Variants in SPTLC3 observed in about 807,000 individuals in gnomAD.
SPTLC3 encodes serine palmitoyltransferase 3.
In SPTLC3, 36 loss-of-function variants were observed where a neutral mutation model predicts 59.3. That is an observed-to-expected ratio of 0.61 (90% CI 0.47 to 0.80). The LOEUF (loss-of-function observed/expected upper bound fraction) is 0.80. SPTLC3 is among the 30% of genes least tolerant of loss of function. The pLI is 0.00. For synonymous variants in SPTLC3, 257 were observed against 240.8 expected, an observed-to-expected ratio of 1.07 and a Z score of -0.62; for missense variants, 625 against 685.1, an observed-to-expected ratio of 0.91 and a Z score of 0.98.
chr20:13,017,423 T>G (rs530441622), intron 1 of SPTLC3, among the ~76,000 whole-genome samples: 7 of 152,258 alleles, frequency 4.6e-5, no homozygotes, highest in African/African-American at 1.7e-4. Context: ...TTTCAGGAGC[T>G]TTTTTCAAGA....
At chr20:13,143,957 C>T (rs372033124) in intron 9 of SPTLC3, among the ~76,000 whole-genome samples, 1 of 152,202 alleles carries the variant, frequency 6.6e-6, no homozygotes, top group Non-Finnish European at 1.5e-5. Flanking sequence ...TCATCCTGAT[C>T]CATGCACTAT....
At chr20:13,153,460 A>T (rs970605013) in intron 9 of SPTLC3, among the ~76,000 whole-genome samples, 1 of 152,184 alleles carries the variant, frequency 6.6e-6, no homozygotes, top group African/African-American at 2.4e-5. Flanking sequence ...GCCTCAAAAA[A>T]CAGCCCTAAT....
intron 4 of SPTLC3, among the ~76,000 whole-genome samples, chr20:13,090,684 A>T (rs1039279722): frequency 1.2e-4 from 19 of 152,242 alleles, no homozygotes; most frequent in Non-Finnish European, 2.2e-4. Flanking sequence ...TGCTCCTAAC[A>T]AAAGTAACTA....
intron 2 of SPTLC3, among the ~76,000 whole-genome samples, chr20:13,062,984 C>T (rs1988031990): frequency 6.6e-6 from 1 of 152,348 alleles, no homozygotes; most frequent in African/African-American, 2.4e-5. Context: ...ATTTTAACTT[C>T]TGAGACATAC....
chr20:13,116,935 G>A (rs1274616530), intron 7 of SPTLC3, among the ~76,000 whole-genome samples: 2 of 152,196 alleles, frequency 1.3e-5, no homozygotes, highest in Admixed American at 1.3e-4. Context: ...GGAACAGAAA[G>A]AGGAGACACC....
intron 2 of SPTLC3, among the ~76,000 whole-genome samples, chr20:13,066,027 A>G (rs1988193735): frequency 6.6e-6 from 1 of 152,248 alleles, no homozygotes; most frequent in African/African-American, 2.4e-5. Context: ...TGCGTACAAC[A>G]TAATTGAAAC....
chr20:13,156,440 T>G (rs1483328519), intron 10 of SPTLC3, among the ~76,000 whole-genome samples: 1 of 152,210 alleles, frequency 6.6e-6, no homozygotes, highest in African/African-American at 2.4e-5. Flanking sequence ...TATGGTGTGA[T>G]GAAAGGTTTG....
At chr20:13,040,169 TG>T (rs1422310061) in intron 1 of SPTLC3, among the ~76,000 whole-genome samples, 1 of 152,104 alleles carries the variant, frequency 6.6e-6, no homozygotes, top group Non-Finnish European at 1.5e-5. Flanking sequence ...CATTAGTTGC[TG>T]TGGACTCTAA....
intron 8 of SPTLC3, among the ~76,000 whole-genome samples, chr20:13,118,135 G>A (rs1990670948): frequency 6.6e-6 from 1 of 152,100 alleles, no homozygotes; most frequent in Admixed American, 6.5e-5. Flanking sequence ...GGGATGTTCT[G>A]AAAACTATAA....
At chr20:13,051,925 C>T (rs1987509440) in intron 2 of SPTLC3, among the ~76,000 whole-genome samples, 1 of 152,032 alleles carries the variant, frequency 6.6e-6, no homozygotes, top group South Asian at 2.1e-4. Flanking sequence ...AAACCTAAGG[C>T]AGTGCTAAGA....
intron 8 of SPTLC3, among the ~76,000 whole-genome samples, chr20:13,126,219 C>A (rs371341827): frequency 3.3e-5 from 5 of 152,268 alleles, no homozygotes; most frequent in East Asian, 1.9e-4. Context: ...ATGTAATATT[C>A]TCAAGGGCAA....
chr20:13,106,542 G>T (rs1989910121), intron 6 of SPTLC3, among the ~76,000 whole-genome samples: 1 of 152,154 alleles, frequency 6.6e-6, no homozygotes, highest in African/African-American at 2.4e-5. Flanking sequence ...GAATCAGGAG[G>T]CTGTGTGTTG....
intron 1 of SPTLC3, among the ~76,000 whole-genome samples, chr20:13,048,539 G>T (rs1431436): frequency 0.87 from 132,655 of 152,200 alleles, 57,871 homozygotes; most frequent in East Asian, 0.92. Flanking sequence ...TCATAGGTTT[G>T]CTGTGTATTG....
intron 4 of SPTLC3, among the ~76,000 whole-genome samples, chr20:13,083,421 G>A (rs952951826): frequency 1.3e-5 from 2 of 152,046 alleles, no homozygotes; most frequent in African/African-American, 4.8e-5. Flanking sequence ...CTTCATCAAA[G>A]GTACAATATA....
At chr20:13,126,113 C>G (rs756434768) in intron 8 of SPTLC3, among the ~76,000 whole-genome samples, 1 of 152,132 alleles carries the variant, frequency 6.6e-6, no homozygotes, top group Non-Finnish European at 1.5e-5. Context: ...CTAGAAGGAC[C>G]CTCTCTCTTT....
At chr20:13,040,119 T>G (rs1052835669) in intron 1 of SPTLC3, among the ~76,000 whole-genome samples, 1 of 151,854 alleles carries the variant, frequency 6.6e-6, no homozygotes, top group African/African-American at 2.4e-5. Context: ...TTACATCAAC[T>G]TTCTTATTTA....
At chr20:13,162,736 A>T (rs2038918241) in intron 11 of SPTLC3, among the ~76,000 whole-genome samples, 1 of 152,214 alleles carries the variant, frequency 6.6e-6, no homozygotes, top group South Asian at 2.1e-4. Flanking sequence ...GATAGAAATT[A>T]TAAATATATA....
At chr20:13,160,611 C>T (rs565155982) in intron 11 of SPTLC3, among the ~76,000 whole-genome samples, 1 of 152,308 alleles carries the variant, frequency 6.6e-6, no homozygotes, top group Admixed American at 6.5e-5. Context: ...CTTTTATTGT[C>T]CCTCGATTTC....
rs1454670800 is a variant in SPTLC3, at chr20:13,079,778, C to T, written c.607+5281C>T. 4 of 469,910 alleles carry T rather than the reference C, an allele frequency of 8.5e-6. 1 individual carries two copies. The highest frequency in any genetic ancestry group is 6.5e-4 in the Middle Eastern group (2 of 3,098). The allele number at this position is 469,910 out of a possible 1,614,324, so 29.1% of individuals were successfully genotyped here. On this transcript the variant is annotated intron_variant, in intron 4 of 11. Transcript: ENST00000399002. ...ATTCACCTCATCCTGGCAGAATGCCCTCTGTGTGGGAGGGGTCTTGCAAGC... is the reference window on the plus strand; with the variant it reads ...ATTCACCTCATCCTGGCAGAATGCCTTCTGTGTGGGAGGGGTCTTGCAAGC...
Sources: allele counts gnomAD v4.1 joint callset (sites outside exome capture counted in the v4.1 genomes callset), GRCh38; gene constraint gnomAD v4.1.1; transcripts MANE v1.5; gene names NCBI Gene and HGNC (gene_info 2026-07-23, HGNC 2026-07-21).